Variants in LRRTM4 observed in about 807,000 individuals in gnomAD.
LRRTM4 encodes leucine rich repeat transmembrane neuronal 4.
Under a neutral mutation model 47.6 loss-of-function variants are expected in LRRTM4, and 25 were observed. The observed-to-expected ratio is 0.53, with a 90% confidence interval of 0.38 to 0.73. The LOEUF (loss-of-function observed/expected upper bound fraction) is 0.73, where lower values mean the gene tolerates loss of function less well. LRRTM4 is among the 30% of genes least tolerant of loss of function. LRRTM4 has a pLI of 0.00. For synonymous variants in LRRTM4, 311 were observed against 269.5 expected, an observed-to-expected ratio of 1.15 and a Z score of -1.51; for missense variants, 638 against 713.4, an observed-to-expected ratio of 0.89 and a Z score of 1.20.
chr2:77,218,076 C>T (rs766961914), intron 3 of LRRTM4, among the ~76,000 whole-genome samples: 1 of 152,132 alleles, frequency 6.6e-6, no homozygotes, highest in Non-Finnish European at 1.5e-5. Flanking sequence ...CTCACTACAA[C>T]CTCCCCGTCT....
chr2:77,121,478 A>G (rs1021127872), intron 3 of LRRTM4, among the ~76,000 whole-genome samples: 16 of 151,870 alleles, frequency 1.1e-4, no homozygotes, highest in African/African-American at 3.9e-4. Flanking sequence ...AAAAACACAT[A>G]TCTAAAATTT....
intron 3 of LRRTM4, among the ~76,000 whole-genome samples, chr2:76,932,107 C>G (rs6708140): frequency 0.019 from 2,960 of 152,150 alleles, 94 homozygotes; most frequent in African/African-American, 0.068. Flanking sequence ...TCATCCTGTT[C>G]CTCCTTGTAT....
intron 3 of LRRTM4, among the ~76,000 whole-genome samples, chr2:77,068,073 G>A (rs985085312): frequency 7.9e-5 from 12 of 151,968 alleles, no homozygotes; most frequent in African/African-American, 2.9e-4. Flanking sequence ...AAATACTAGA[G>A]GTGATATATG....
At chr2:76,948,469 G>A (rs10195940) in intron 3 of LRRTM4, among the ~76,000 whole-genome samples, 43,979 of 151,546 alleles carry the variant, frequency 0.29, 8,285 homozygotes, top group African/African-American at 0.54. Flanking sequence ...TTCATTTTAG[G>A]ATGTGTCATC....
chr2:76,955,068 C>T (rs530435127), intron 3 of LRRTM4, among the ~76,000 whole-genome samples: 4 of 151,802 alleles, frequency 2.6e-5, no homozygotes, highest in South Asian at 2.1e-4. Context: ...CTGCCTTCCA[C>T]GAAATCCTAA....
intron 3 of LRRTM4, among the ~76,000 whole-genome samples, chr2:76,992,861 T>C (rs10196749): frequency 0.5 from 73,666 of 146,884 alleles, 19,183 homozygotes; most frequent in African/African-American, 0.63. Context: ...TCATATTACT[T>C]GACTTCAAAT....
In LRRTM4 at chr2:76,816,819, G is replaced by GTTTTTTTTTTTT. The variant is rs201525166; in HGVS notation, c.1552-67915_1552-67904dup. ...CACTGCTTTTACTTAGAGGTAAAGA[G>GTTTTTTTTTTTT]TTTTTTTTTTTTTTTTTTTTTTTTT... On this transcript the variant is annotated intron_variant, in intron 3 of 3. Coordinates refer to ENST00000409884, the MANE Select transcript of LRRTM4 (RefSeq NM_001134745.3). Among the ~76,000 whole-genome samples the GTTTTTTTTTTTT allele has an allele frequency of 5.9e-4, 57 of 96,540 alleles. 1 individual carries two copies. The highest frequency in any genetic ancestry group is 8.3e-4 in the Non-Finnish European group (33 of 39,896). 63.3% of individuals were successfully genotyped at this position (96,540 alleles called of 152,430 possible).
intron 3 of LRRTM4, among the ~76,000 whole-genome samples, chr2:76,930,536 T>C (rs906384977): frequency 6.6e-6 from 1 of 152,204 alleles, no homozygotes. Flanking sequence ...GATGGCACCA[T>C]CTGCTTTCTG....
At chr2:77,423,128 T>G (rs1674967933) in intron 3 of LRRTM4, among the ~76,000 whole-genome samples, 1 of 152,146 alleles carries the variant, frequency 6.6e-6, no homozygotes, top group South Asian at 2.1e-4. Context: ...AAGAGTTGCT[T>G]TATTGCTAGA....
At chr2:76,884,693 G>A (rs1406639814) in intron 3 of LRRTM4, among the ~76,000 whole-genome samples, 1 of 152,078 alleles carries the variant, frequency 6.6e-6, no homozygotes, top group Non-Finnish European at 1.5e-5. Flanking sequence ...GAAACAACCA[G>A]TACAATCTTT....
At position 77,299,353 on chromosome 2, in the gene LRRTM4, G is replaced by A. The variant is rs150935385; in HGVS notation, c.1551+218965C>T. 8.7e-3 allele frequency among the ~76,000 whole-genome samples: 1,298 copies of A among 149,334 alleles called. 9 individuals are homozygous for A. Among genetic ancestry groups the A allele is most frequent in the Non-Finnish European group, 0.013 (903 of 67,394 alleles). ...TATATATGTATATACGTATATATATGTATATATGTGTGTATATATATACGT... is the reference window on the plus strand; with the variant it reads ...TATATATGTATATACGTATATATATATATATATGTGTGTATATATATACGT... On this transcript the variant is annotated intron_variant, in intron 3 of 3. Transcript: ENST00000409884.
chr2:77,192,044 T>C (rs1242349999), intron 3 of LRRTM4, among the ~76,000 whole-genome samples: 1 of 152,080 alleles, frequency 6.6e-6, no homozygotes, highest in African/African-American at 2.4e-5. Flanking sequence ...ACTTTCCAAA[T>C]ATATGTATGT....
chr2:77,489,032 A>AAAAAT (rs199995409), intron 3 of LRRTM4, among the ~76,000 whole-genome samples: 1 of 151,978 alleles, frequency 6.6e-6, no homozygotes, highest in Admixed American at 6.6e-5. Context: ...TACCTATGAA[A>AAAAAT]AAAATAAAAT....
intron 3 of LRRTM4, among the ~76,000 whole-genome samples, chr2:76,888,803 G>T (rs1673160739): frequency 6.6e-6 from 1 of 151,682 alleles, no homozygotes; most frequent in African/African-American, 2.4e-5. Flanking sequence ...ACACCTGGTT[G>T]CCCTGTCCAA....
At chr2:76,826,046 A>G (rs1019987705) in intron 3 of LRRTM4, among the ~76,000 whole-genome samples, 1 of 151,786 alleles carries the variant, frequency 6.6e-6, no homozygotes, top group Non-Finnish European at 1.5e-5. Flanking sequence ...AATGAATAGA[A>G]TTACACATAG....
chr2:77,161,067 C>A (rs1001181162), intron 3 of LRRTM4, among the ~76,000 whole-genome samples: 3 of 152,202 alleles, frequency 2.0e-5, no homozygotes, highest in East Asian at 1.9e-4. Context: ...ACCAACAGGG[C>A]GCCAGGCAGC....
chr2:77,025,993 A>G (rs1198890084), intron 3 of LRRTM4, among the ~76,000 whole-genome samples: 1 of 152,208 alleles, frequency 6.6e-6, no homozygotes, highest in Admixed American at 6.5e-5. Flanking sequence ...TACTTGAATC[A>G]AAATAAAGCA....
intron 3 of LRRTM4, among the ~76,000 whole-genome samples, chr2:77,023,942 C>T (rs1046838986): frequency 6.6e-6 from 1 of 151,940 alleles, no homozygotes; most frequent in East Asian, 1.9e-4. Flanking sequence ...TAAAGACGTA[C>T]CCAAGACTGG....
intron 3 of LRRTM4, among the ~76,000 whole-genome samples, chr2:77,035,574 C>G (rs1393094319): frequency 6.6e-6 from 1 of 151,664 alleles, no homozygotes; most frequent in Non-Finnish European, 1.5e-5. Flanking sequence ...ACCCAAGAAA[C>G]AAAAATGATG....
Sources: gnomAD v4.1 joint callset for allele counts (sites outside exome capture counted in the v4.1 genomes callset) on GRCh38, gnomAD v4.1.1 for gene constraint, MANE v1.5 for transcripts, NCBI Gene and HGNC (gene_info 2026-07-23, HGNC 2026-07-21) for gene names.